DGKA: variants seen among roughly 807,000 people sequenced by gnomAD.
DGKA encodes the protein diacylglycerol kinase alpha.
DGKA carries 35 observed loss-of-function variants against 105.0 expected under a neutral mutation model. The observed-to-expected ratio is 0.33, with a 90% CI of 0.25 to 0.44. The LOEUF is 0.44. Ranked by LOEUF, DGKA falls within the 20% of genes least tolerant of loss-of-function variation. The pLI, the probability that DGKA is intolerant of heterozygous loss-of-function variation, is 1.00. For missense variants in DGKA, 665 were observed against 915.0 expected, an observed-to-expected ratio of 0.73 and a Z score of 3.53; for synonymous variants, 296 against 332.0, an observed-to-expected ratio of 0.89 and a Z score of 1.18.
intron 13 of DGKA, 116 bp from the exon 14 acceptor site, chr12:55,941,136 G>T (rs1456846192): frequency 1.4e-5 from 19 of 1,368,096 alleles, no homozygotes; most frequent in Non-Finnish European, 1.5e-5. Flanking sequence ...AGGGAAACAG[G>T]AGGGAGGGGG....
chr12:55,945,316 A>G (rs1400253924), intron 17 of DGKA, among the ~76,000 whole-genome samples: 1 of 152,166 alleles, frequency 6.6e-6, no homozygotes, highest in Non-Finnish European at 1.5e-5. Flanking sequence ...TTACCCAGAG[A>G]AAGAGGTAAG....
chr12:55,941,909 TGA>T, intron 15 of DGKA, 87 bp from the exon 16 acceptor site: 2 of 1,344,632 alleles, frequency 1.5e-6, no homozygotes, highest in Non-Finnish European at 2.1e-6. Flanking sequence ...TCCTACGGAA[TGA>T]GAGACAAGAA....
At chr12:55,937,682 G>A in intron 4 of DGKA, 139 bp downstream of exon 4, 1 of 1,137,160 alleles carries the variant, frequency 8.8e-7, no homozygotes, top group East Asian at 2.5e-5. Flanking sequence ...GCTGGTCTAG[G>A]AGCTAAAGGG....
At chr12:55,946,411 C>T (rs145235903) in intron 17 of DGKA, among the ~76,000 whole-genome samples, 64 of 152,272 alleles carry the variant, frequency 4.2e-4, no homozygotes, top group African/African-American at 1.5e-3. Flanking sequence ...GGCTGGAGTG[C>T]AGTGGCGCGA....
At position 55,940,833 on chromosome 12, in the gene DGKA, C is replaced by A. The variant is rs771263421; in HGVS notation, c.1018-64C>A. The A allele has an allele frequency of 9.4e-6, 15 of 1,593,326 alleles. No individual in the cohort carries two copies. The highest frequency in any genetic ancestry group is 3.3e-5 in the Admixed American group (2 of 59,730). On this transcript the variant is annotated intron_variant, in intron 12 of 23. Coordinates refer to ENST00000331886, the MANE Select transcript of DGKA (RefSeq NM_001345.5). This position sits in a 1 kb window ranked among gnomAD's most constrained non-coding sequence, Gnocchi z 4.3. Reference sequence around the variant, plus strand: ...TCATACTTTTAGGATTCAAGTCAGACCCCTCTATTTAGGGATTCATGCACA... The same window carrying A: ...TCATACTTTTAGGATTCAAGTCAGAACCCTCTATTTAGGGATTCATGCACA...
At chr12:55,938,655 G>A (rs1472874072) in intron 6 of DGKA, 95 bp downstream of exon 6, 7 of 1,608,522 alleles carry the variant, frequency 4.4e-6, no homozygotes, top group Middle Eastern at 3.3e-4. Context: ...AGAAACAGAA[G>A]AGGATGGGGG....
intron 1 of DGKA, 149 bp from the exon 2 acceptor site, chr12:55,936,274 A>C: frequency 1.1e-6 from 1 of 883,662 alleles, no homozygotes; most frequent in Non-Finnish European, 1.6e-6. Flanking sequence ...GAAGAGGGAC[A>C]CAGGGAAAGG....
At chr12:55,927,341 T>C, upstream of DGKA, 1 of 744,056 alleles carries the variant, frequency 1.3e-6, no homozygotes, top group Non-Finnish European at 2.4e-6. Context: ...TTGCTGCCTG[T>C]AAAACAGTCC....
At position 55,953,087 on chromosome 12, in the gene DGKA, G is replaced by A. The variant is rs1888475418; in HGVS notation, c.1990G>A (p.Glu664Lys). 2 of 1,614,034 alleles carry A rather than the reference G, an allele frequency of 1.2e-6. No individual in the cohort carries two copies. Among genetic ancestry groups the A allele is most frequent in the Non-Finnish European group, 1.7e-6 (2 of 1,180,044 alleles). Residue 664 changes from glutamate (E) to lysine (K), a missense_variant, in exon 22 of 24, where the codon GAG (glutamate) becomes AAG (lysine). Glu to Lys is a moderately conservative substitution (Grantham distance 56, BLOSUM62 1). Transcript: ENST00000331886. ...AGTGGTTGGGCTGGAGGGTGCAATTGAGATGGGCCAAATCTATACCAAGCT... is the reference window on the plus strand; with the variant it reads ...AGTGGTTGGGCTGGAGGGTGCAATTAAGATGGGCCAAATCTATACCAAGCT... Reference protein sequence around the residue: ...LEVVGLEGAIEMGQIYTKLKN... With the variant: ...LEVVGLEGAIKMGQIYTKLKN...
chr12:55,937,597 G>A (rs1885010486), intron 4 of DGKA, 54 bp downstream of exon 4: 6 of 1,589,860 alleles, frequency 3.8e-6, no homozygotes, highest in South Asian at 3.4e-5. Flanking sequence ...AATCAAACTA[G>A]TATGGATTTG....
Position 55,942,209 on chromosome 12 carries a change from G to A in DGKA, c.1372G>A (p.Val458Met), listed in dbSNP as rs772322945. 4.3e-6 allele frequency: 7 copies of A among 1,614,230 alleles called. No homozygotes were observed. Among genetic ancestry groups the A allele is most frequent in the Non-Finnish European group, 5.9e-6 (7 of 1,180,038 alleles). Reference sequence around the variant, plus strand: ...CTTGCCAGTTTTGCCTCCTGTTGCTGTGTTGCCCCTGGGTACTGGAAATGA... The same window carrying A: ...CTTGCCAGTTTTGCCTCCTGTTGCTATGTTGCCCCTGGGTACTGGAAATGA... ...ANLPVLPPVA[V>M]LPLGTGNDLA... Residue 458 changes from valine (V) to methionine (M), a missense_variant, in exon 17 of 24, where the codon GTG (valine) becomes ATG (methionine). Around this residue, in one of 3 missense-constraint regions of DGKA, gnomAD observed 504 missense variants for 681.2 expected, o/e 0.74. Coordinates refer to ENST00000331886, the MANE Select transcript of DGKA (RefSeq NM_001345.5).
chr12:55,949,093 C>T (rs1887631722), intron 17 of DGKA, among the ~76,000 whole-genome samples: 1 of 152,130 alleles, frequency 6.6e-6, no homozygotes, highest in African/African-American at 2.4e-5. Flanking sequence ...AAAGACTCCC[C>T]ACAAAACTCC....
chr12:55,953,198 TGG>T (rs747158971), intron 22 of DGKA, 38 bp downstream of exon 22: 2 of 1,613,436 alleles, frequency 1.2e-6, no homozygotes, highest in Non-Finnish European at 1.7e-6. Context: ...AGGGAAGGTG[TGG>T]GGCTGGGGCA....
In DGKA at chr12:55,939,755, A is replaced by G. The variant is rs111713409; in HGVS notation, c.709+226A>G. 3.3e-3 allele frequency: 1,961 copies of G among 599,990 alleles called. 38 individuals carry two copies. The African/African-American group carries it at 0.033, about 10-fold the overall frequency. The allele number at this position is 599,990 out of a possible 1,614,324, so 37.2% of individuals were successfully genotyped here. A position where few individuals can be genotyped will look rare whatever the true frequency, so the allele number is the denominator to read the frequency against. ...AGTTGGTGCAAGAAAAGTGCTTCAGATGGTGCATGCACATACTATAAAATG... is the reference window on the plus strand; with the variant it reads ...AGTTGGTGCAAGAAAAGTGCTTCAGGTGGTGCATGCACATACTATAAAATG... On this transcript the variant is annotated intron_variant, in intron 9 of 23. Transcript: ENST00000331886.
At position 55,952,299 on chromosome 12, in the gene DGKA, A is replaced by G; in HGVS notation, c.1653-42A>G. ...GTACCACCCCTGCCAGCACTGTGTA[A>G]CCTGTCCCTCCCTACTGGGCCTTGT... On this transcript the variant is annotated intron_variant, in intron 19 of 23. Coordinates refer to ENST00000331886, the MANE Select transcript of DGKA (RefSeq NM_001345.5). This position sits in a 1 kb window ranked among gnomAD's most constrained non-coding sequence, Gnocchi z 5.1. 6.3e-7 allele frequency: 1 copy of G among 1,599,806 alleles called. No individual in the cohort carries two copies. The highest frequency in any genetic ancestry group is 8.6e-7 in the Non-Finnish European group (1 of 1,167,046).
At chr12:55,944,781 T>G (rs977867340) in intron 17 of DGKA, among the ~76,000 whole-genome samples, 1 of 152,122 alleles carries the variant, frequency 6.6e-6, no homozygotes, top group Non-Finnish European at 1.5e-5. Context: ...TATTTATTCA[T>G]TTATTCATTT....
Position 55,942,467 on chromosome 12 carries a change from G to A in DGKA, c.1426+204G>A, listed in dbSNP as rs571561702. The stretch of plus-strand genomic sequence containing the variant: ...CACAATCTGAACCTAGAAGGGTCAA[G>A]GGTGATAGTCCCCTTTCCTGTAAAT... On this transcript the variant is annotated intron_variant, in intron 17 of 23. Coordinates refer to ENST00000331886, the MANE Select transcript of DGKA (RefSeq NM_001345.5). The A allele has an allele frequency of 3.2e-5, 18 of 557,244 alleles. 1 individual carries two copies. Among genetic ancestry groups the A allele is most frequent in the South Asian group, 2.5e-4 (12 of 48,544 alleles). 34.5% of individuals were successfully genotyped at this position (557,244 alleles called of 1,614,324 possible). A position where few individuals can be genotyped will look rare whatever the true frequency, so the allele number is the denominator to read the frequency against.
intron 1 of DGKA, chr12:55,935,205 G>A (rs1884394075): frequency 6.6e-6 from 1 of 152,124 alleles, no homozygotes; most frequent in Non-Finnish European, 1.5e-5. Context: ...TTTCTTGTAG[G>A]CCTCCTAAAT....
intron 1 of DGKA, chr12:55,931,698 G>A (rs1304379103): frequency 6.6e-6 from 1 of 152,416 alleles, no homozygotes; most frequent in African/African-American, 2.4e-5. Context: ...CCCAACTGCC[G>A]AGCTGTTCTG....
Sources: gnomAD v4.1 joint callset for allele counts (sites outside exome capture counted in the v4.1 genomes callset) on GRCh38, gnomAD v4.1.1 for gene constraint, gnomAD v4.1.1 regional missense constraint, Gnocchi (gnomAD v3.1) non-coding constraint, MANE v1.5 for transcripts, NCBI Gene and HGNC (gene_info 2026-07-23, HGNC 2026-07-21) for gene names.